NEMP2: variants seen among roughly 807,000 people sequenced by gnomAD.
NEMP2 encodes nuclear envelope integral membrane protein 2, also known as UPF0571 transmembrane protein.
Under a neutral mutation model 54.2 loss-of-function variants are expected in NEMP2, and 53 were observed. The observed-to-expected ratio is 0.98, with a 90% CI of 0.78 to 1.23. NEMP2 has a LOEUF of 1.23. NEMP2 is among the 50% of genes most tolerant of loss of function. The probability of loss-of-function intolerance (pLI) is 0.00; values close to 1 mark genes in which losing one functional copy is unlikely to be tolerated. For missense variants in NEMP2, 455 were observed against 511.3 expected (o/e 0.89, Z 1.06); for synonymous variants, 197 against 190.3 (o/e 1.04, Z -0.29).
At chr2:190,588,007 T>C in the NEMP2 span, among the ~76,000 whole-genome samples, 35,448 of 152,084 alleles carry the variant, frequency 0.23, 5,246 homozygotes, top group Non-Finnish European at 0.33. This position sits in a 1 kb window ranked among gnomAD's most constrained non-coding sequence, Gnocchi z 5.0. Flanking sequence ...AGACAAATCA[T>C]TGGAACTTTG....
Position 190,519,202 on chromosome 2 carries a change from C to T in NEMP2, c.214-19G>A, listed in dbSNP as rs1441985992. Reference sequence around the variant, plus strand: ...TTTTCACCTGTAAAACAAGAACAAGCAAATCCATAAACAGAATAACTTCTC... The same window carrying T: ...TTTTCACCTGTAAAACAAGAACAAGTAAATCCATAAACAGAATAACTTCTC... On this transcript the variant is annotated intron_variant, in intron 2 of 8. Coordinates refer to ENST00000409150, the MANE Select transcript of NEMP2 (RefSeq NM_001142645.2). The surrounding 1 kb of genome is among the most constrained non-coding windows in gnomAD (Gnocchi z 5.4). The T allele has an allele frequency of 3.4e-6, 5 of 1,472,840 alleles. No individual in the cohort carries two copies. The East Asian group carries it at 1.2e-4, about 36-fold the overall frequency. The allele number at this position is 1,472,840 out of a possible 1,614,324, so 91.2% of individuals were successfully genotyped here.
the NEMP2 span, among the ~76,000 whole-genome samples, chr2:190,493,110 A>G: frequency 6.6e-6 from 1 of 152,104 alleles, no homozygotes. Context: ...GAATTCACCA[A>G]CCAAGTATCT....
the NEMP2 span, among the ~76,000 whole-genome samples, chr2:190,460,987 G>A: frequency 1.3e-5 from 2 of 152,284 alleles, no homozygotes; most frequent in South Asian, 4.2e-4. Flanking sequence ...GTCTGACACA[G>A]AACACCATTT....
rs768026668 is a variant in NEMP2, at chr2:190,519,625, T to C, written c.214-442A>G. 3.9e-5 allele frequency among the ~76,000 whole-genome samples: 6 copies of C among 152,242 alleles called. No homozygotes were observed. Among genetic ancestry groups the C allele is most frequent in the Non-Finnish European group, 8.8e-5 (6 of 68,046 alleles). ...ATGCGCAGGGTAGAGTTCTATGTTC[T>C]GATCCCAGAGGTGGACTCAAGAGAT... is the stretch of plus-strand genomic sequence containing the variant. On this transcript the variant is annotated intron_variant, in intron 2 of 8. Coordinates refer to ENST00000409150, the MANE Select transcript of NEMP2 (RefSeq NM_001142645.2). This position sits in a 1 kb window ranked among gnomAD's most constrained non-coding sequence, Gnocchi z 5.4.
At chr2:190,447,099 A>T in the NEMP2 span, among the ~76,000 whole-genome samples, 9 of 91,944 alleles carry the variant, frequency 9.8e-5, no homozygotes, top group African/African-American at 2.6e-4. This position sits in a 1 kb window ranked among gnomAD's most constrained non-coding sequence, Gnocchi z 4.5. Flanking sequence ...TAAAAAAAAA[A>T]ACTTGAAAGG....
the NEMP2 span, chr2:190,625,271 GAA>G: frequency 6.6e-6 from 1 of 151,964 alleles, no homozygotes; most frequent in African/African-American, 2.4e-5. Flanking sequence ...CCATAAAAAG[GAA>G]AAAAGATAGA....
chr2:190,467,860 T>G, the NEMP2 span, among the ~76,000 whole-genome samples: 1 of 152,238 alleles, frequency 6.6e-6, no homozygotes, highest in South Asian at 2.1e-4. The surrounding 1 kb of genome is among the most constrained non-coding windows in gnomAD (Gnocchi z 5.5). Context: ...CTCATTCATT[T>G]ACATATTGCC....
At chr2:190,454,275 G>A in the NEMP2 span, 2 of 152,132 alleles carry the variant, frequency 1.3e-5, no homozygotes, top group African/African-American at 4.8e-5. The surrounding 1 kb of genome is among the most constrained non-coding windows in gnomAD (Gnocchi z 4.6). Flanking sequence ...AGCCCCTGGG[G>A]AGGTTTCCAA....
chr2:190,516,277 A>C lies in NEMP2; in HGVS notation c.720T>G (p.Tyr240Ter). 1 of 1,548,976 alleles carries C rather than the reference A, an allele frequency of 6.5e-7. No homozygotes were observed. The highest frequency in any genetic ancestry group is 8.7e-7 in the Non-Finnish European group (1 of 1,145,266). ...GTTTTTCTATTTACCTACCTAATAC[A>C]TATATCCTGTTTTCATACCACAGCC... ...LKWLWYENRI[Y>*]VLGYVLIVGF... The change falls in exon 6 of 9, where the codon TAT becomes TAG. Residue 240 changes from tyrosine to a stop codon, truncating the protein, a stop_gained. Transcript: ENST00000409150. LOFTEE classifies it high-confidence loss of function.
the NEMP2 span, among the ~76,000 whole-genome samples, chr2:190,548,171 C>G: frequency 1.3e-5 from 2 of 152,130 alleles, no homozygotes; most frequent in African/African-American, 4.8e-5. Context: ...GGTTGTGTCC[C>G]TGGAACTACA....
intron 2 of NEMP2, among the ~76,000 whole-genome samples, chr2:190,524,045 A>T (rs780804973): frequency 6.6e-6 from 1 of 151,736 alleles, no homozygotes; most frequent in African/African-American, 2.4e-5. Context: ...TCTACTAAAA[A>T]TACTAAAAAA....
At position 190,529,857 on chromosome 2, in the gene NEMP2, T is replaced by C. The variant is rs4073873; in HGVS notation, c.98-4479A>G. Among the ~76,000 whole-genome samples the C allele has an allele frequency of 0.3, 45,358 of 151,974 alleles. 7,522 individuals are homozygous for C. The highest frequency in any genetic ancestry group is 0.47 in the East Asian group (2,398 of 5,152). On this transcript the variant is annotated intron_variant, in intron 1 of 8. Coordinates refer to ENST00000409150, the MANE Select transcript of NEMP2 (RefSeq NM_001142645.2). This position sits in a 1 kb window ranked among gnomAD's most constrained non-coding sequence, Gnocchi z 4.7. ...CCCTTGCCAGCCTGTGCCACTGCCA[T>C]CCCATTTACAGAACTGACAAAGCAT...
At chr2:190,595,744 A>G in the NEMP2 span, among the ~76,000 whole-genome samples, 3 of 152,192 alleles carry the variant, frequency 2.0e-5, no homozygotes, top group Admixed American at 2.0e-4. The surrounding 1 kb of genome is among the most constrained non-coding windows in gnomAD (Gnocchi z 4.0). Flanking sequence ...AAAAGTCAGG[A>G]AACAACAGAT....
chr2:190,493,729 C>A, the NEMP2 span, among the ~76,000 whole-genome samples: 4 of 152,074 alleles, frequency 2.6e-5, no homozygotes, highest in Non-Finnish European at 5.9e-5. Context: ...ACCTTCAAAA[C>A]CATGCAAATA....
chr2:190,557,304 AC>A, the NEMP2 span, among the ~76,000 whole-genome samples: 2 of 152,240 alleles, frequency 1.3e-5, no homozygotes, highest in African/African-American at 4.8e-5. Context: ...TCCCTTCCTT[AC>A]ACCTTATAAA....
the NEMP2 span, among the ~76,000 whole-genome samples, chr2:190,493,130 A>C: frequency 1.3e-5 from 2 of 152,086 alleles, no homozygotes; most frequent in Non-Finnish European, 2.9e-5. Flanking sequence ...TGCTGCCTTC[A>C]AGAGACTCGC....
chr2:190,630,756 G>A, the NEMP2 span, among the ~76,000 whole-genome samples: 1 of 152,042 alleles, frequency 6.6e-6, no homozygotes, highest in African/African-American at 2.4e-5. The surrounding 1 kb of genome is among the most constrained non-coding windows in gnomAD (Gnocchi z 5.5). Context: ...GAGAAATGAA[G>A]TTTATATACT....
At chr2:190,563,280 C>T in the NEMP2 span, among the ~76,000 whole-genome samples, 1 of 152,066 alleles carries the variant, frequency 6.6e-6, no homozygotes, top group African/African-American at 2.4e-5. This position sits in a 1 kb window ranked among gnomAD's most constrained non-coding sequence, Gnocchi z 4.3. Context: ...CACACAGGCC[C>T]AGTGACCCGG....
rs1691106060 is a variant in NEMP2 at position 190,530,516 on chromosome 2, T to C, written c.97+4043A>G. On this transcript the variant is annotated intron_variant, in intron 1 of 8. Transcript: ENST00000409150. This position sits in a 1 kb window ranked among gnomAD's most constrained non-coding sequence, Gnocchi z 4.6. ...GCTATTTGGACTAGGCAAAAGACAG[T>C]GATTGTCACAAGACTGTTATCACAG... is the stretch of plus-strand genomic sequence containing the variant. Among the ~76,000 whole-genome samples, 1 of 152,292 alleles carries C rather than the reference T, an allele frequency of 6.6e-6. No individual in the cohort carries two copies. Among genetic ancestry groups the C allele is most frequent in the South Asian group, 2.1e-4 (1 of 4,830 alleles).
Sources: allele counts gnomAD v4.1 joint callset (sites outside exome capture counted in the v4.1 genomes callset), GRCh38; gene constraint gnomAD v4.1.1; non-coding constraint Gnocchi (gnomAD v3.1); transcripts MANE v1.5; gene names NCBI Gene and HGNC (gene_info 2026-07-23, HGNC 2026-07-21).